NELL1: variants seen among roughly 807,000 people sequenced by gnomAD.
NELL1 encodes the protein neural EGFL like 1.
Under a neutral mutation model 107.4 loss-of-function variants are expected in NELL1, and 76 were observed. The ratio of observed to expected loss-of-function variants is 0.71; its 90% CI spans 0.59 to 0.86. NELL1 has a LOEUF of 0.86. Among genes scored for constraint, NELL1 ranks in the 40% least tolerant of loss-of-function variants. The pLI is 0.00. For synonymous variants in NELL1, 353 were observed against 341.2 expected (o/e 1.03, Z -0.38); for missense variants, 1,024 against 1,005.5 (o/e 1.02, Z -0.25).
At chr11:21,152,168 G>C (rs1348783195) in intron 13 of NELL1, among the ~76,000 whole-genome samples, 1 of 152,166 alleles carries the variant, frequency 6.6e-6, no homozygotes, top group Non-Finnish European at 1.5e-5. Flanking sequence ...TGGAATGCAG[G>C]GGGTGGAGGG....
intron 7 of NELL1, among the ~76,000 whole-genome samples, chr11:20,924,046 A>G (rs550322044): frequency 6.6e-6 from 1 of 152,356 alleles, no homozygotes; most frequent in East Asian, 1.9e-4. Flanking sequence ...ATGCATAAAC[A>G]AGAGGTAGAC....
At chr11:21,326,816 A>T (rs1355537481) in intron 14 of NELL1, among the ~76,000 whole-genome samples, 1 of 152,056 alleles carries the variant, frequency 6.6e-6, no homozygotes, top group Non-Finnish European at 1.5e-5. Context: ...TTGAAAAAAA[A>T]TGCAGACTGA....
chr11:20,895,330 G>A (rs148553624), intron 5 of NELL1, among the ~76,000 whole-genome samples: 1 of 107,748 alleles, frequency 9.3e-6, no homozygotes, highest in Admixed American at 1.3e-4. Flanking sequence ...TATTCCTTCT[G>A]TCCTACTGTG....
intron 12 of NELL1, among the ~76,000 whole-genome samples, chr11:21,087,803 A>G (rs1400509661): frequency 1.3e-5 from 2 of 152,128 alleles, no homozygotes; most frequent in African/African-American, 2.4e-5. Context: ...GTTTTTGTAA[A>G]TCAGGTTTGA....
Position 21,304,704 on chromosome 11 carries a change from A to AT in NELL1, c.1550-66142dup, listed in dbSNP as rs1354395604. ...CTCCTATTTTGTCTTGCCCTGTTGT[A>AT]TTTTTTTAAAGAGTATATATCACCT... On this transcript the variant is annotated intron_variant, in intron 14 of 19. Coordinates refer to ENST00000357134, the MANE Select transcript of NELL1 (RefSeq NM_006157.5). Among the ~76,000 whole-genome samples, 7 of 151,500 alleles carry AT rather than the reference A, an allele frequency of 4.6e-5. No individual in the cohort carries two copies. In the East Asian group the frequency reaches 9.7e-4, roughly 21 times the overall value.
At chr11:21,562,095 AT>A (rs986046800) in intron 17 of NELL1, among the ~76,000 whole-genome samples, 1 of 152,044 alleles carries the variant, frequency 6.6e-6, no homozygotes, top group African/African-American at 2.4e-5. Context: ...GGCAAAGGAC[AT>A]TAGTGGAGTC....
intron 11 of NELL1, among the ~76,000 whole-genome samples, chr11:20,959,455 CTG>C (rs1402917717): frequency 1.3e-5 from 2 of 152,086 alleles, no homozygotes; most frequent in Non-Finnish European, 2.9e-5. Context: ...GATAAAGAAA[CTG>C]TGATATAGAT....
chr11:20,941,275 C>G (rs2134190999), intron 10 of NELL1, among the ~76,000 whole-genome samples: 1 of 152,324 alleles, frequency 6.6e-6, no homozygotes, highest in Middle Eastern at 3.4e-3. Flanking sequence ...GGGTGAAAAT[C>G]TACCCCCCTG....
intron 14 of NELL1, among the ~76,000 whole-genome samples, chr11:21,272,611 TG>T (rs988102369): frequency 3.3e-5 from 5 of 152,176 alleles, no homozygotes; most frequent in African/African-American, 1.2e-4. Flanking sequence ...CCTCCTCAAG[TG>T]GGTCTCTGAC....
At chr11:21,040,953 A>G (rs568119751) in intron 12 of NELL1, among the ~76,000 whole-genome samples, 1 of 152,316 alleles carries the variant, frequency 6.6e-6, no homozygotes, top group African/African-American at 2.4e-5. Context: ...TCCTTGCTTT[A>G]AAAGCAATGT....
intron 4 of NELL1, among the ~76,000 whole-genome samples, chr11:20,853,744 C>T (rs1329391034): frequency 6.6e-6 from 1 of 152,204 alleles, no homozygotes; most frequent in Non-Finnish European, 1.5e-5. Flanking sequence ...TGTAGATTCA[C>T]TGAACAATGT....
intron 2 of NELL1, among the ~76,000 whole-genome samples, chr11:20,771,057 T>G (rs373387812): frequency 9.9e-5 from 15 of 150,818 alleles, no homozygotes; most frequent in Non-Finnish European, 2.2e-4. Context: ...GAGAAGAAAT[T>G]ACATATTTGA....
chr11:21,242,411 C>A (rs1259027368), intron 14 of NELL1, among the ~76,000 whole-genome samples: 3 of 152,032 alleles, frequency 2.0e-5, no homozygotes, highest in Non-Finnish European at 4.4e-5. Flanking sequence ...TTTTGTCTTG[C>A]ATTGAATTGG....
intron 1 of NELL1, among the ~76,000 whole-genome samples, chr11:20,675,822 G>A (rs1363289136): frequency 6.6e-6 from 1 of 151,744 alleles, no homozygotes; most frequent in Non-Finnish European, 1.5e-5. Flanking sequence ...CACCCAGGCT[G>A]GAGTGCAGTG....
intron 16 of NELL1, among the ~76,000 whole-genome samples, chr11:21,542,516 A>G (rs1330586034): frequency 6.6e-6 from 1 of 152,014 alleles, no homozygotes; most frequent in African/African-American, 2.4e-5. Flanking sequence ...GACTCAAGGG[A>G]TGTGTTCTGG....
chr11:21,367,096 C>A (rs183895434), intron 14 of NELL1, among the ~76,000 whole-genome samples: 1 of 151,906 alleles, frequency 6.6e-6, no homozygotes, highest in Non-Finnish European at 1.5e-5. Context: ...GTGGATTGAA[C>A]CTCTCTCAAA....
chr11:20,916,728 G>A (rs1401351708), intron 5 of NELL1, among the ~76,000 whole-genome samples: 1 of 151,766 alleles, frequency 6.6e-6, no homozygotes, highest in Non-Finnish European at 1.5e-5. Context: ...AGTTTTGTCT[G>A]TTTACATTCT....
intron 13 of NELL1, among the ~76,000 whole-genome samples, chr11:21,175,280 C>G (rs1438063665): frequency 6.6e-6 from 1 of 151,800 alleles, no homozygotes; most frequent in Non-Finnish European, 1.5e-5. Flanking sequence ...GGCCTTTCTG[C>G]ATGGCTGAAT....
chr11:20,787,360 G>T (rs1856989168), intron 3 of NELL1, among the ~76,000 whole-genome samples: 1 of 152,110 alleles, frequency 6.6e-6, no homozygotes, highest in South Asian at 2.1e-4. Flanking sequence ...TTAGAAATTA[G>T]TCTATTCATT....
Sources: gnomAD v4.1 joint callset for allele counts (sites outside exome capture counted in the v4.1 genomes callset) on GRCh38, gnomAD v4.1.1 for gene constraint, MANE v1.5 for transcripts, NCBI Gene and HGNC (gene_info 2026-07-23, HGNC 2026-07-21) for gene names.